The following ZNF658 variants were observed in gnomAD, a reference collection of about 807,000 sequenced individuals.
ZNF658 encodes zinc finger protein 658.
A neutral mutation model predicts 78.0 loss-of-function variants in ZNF658; 46 were observed. The ratio of observed to expected loss-of-function variants is 0.59; its 90% confidence interval spans 0.47 to 0.75. The LOEUF is 0.75. Among genes scored for constraint, ZNF658 ranks in the 30% least tolerant of loss-of-function variants. ZNF658 has a pLI of 0.00. For synonymous variants in ZNF658, 279 were observed against 408.4 expected (o/e 0.68, Z 3.82); for missense variants, 785 against 1,189.3 (o/e 0.66, Z 5.00).
downstream of ZNF658, chr9:66,924,347 G>C: frequency 2.3e-6 from 1 of 431,874 alleles, no homozygotes; most frequent in East Asian, 7.0e-5. Flanking sequence ...CGTGAGTATA[G>C]TGTGGCATGT....
chr9:66,919,661 T>C lies in ZNF658; in HGVS notation c.2095T>C (p.Ser699Pro), dbSNP rs1822453354. The change falls in exon 5 of 5, where the codon TCA (serine) becomes CCA (proline). Residue 699 changes from serine to proline, a missense_variant. By Grantham distance (74) the Ser-to-Pro change is moderately conservative (BLOSUM62 -1). Transcript: ENST00000621410. ...SDCEKTFAHN[S>P]ALKIHQRIHT... Reference sequence around the variant, plus strand: ...CTGTGAGAAAACTTTTGCCCATAATTCAGCCCTCAAAATACATCAGAGAAT... The same window carrying C: ...CTGTGAGAAAACTTTTGCCCATAATCCAGCCCTCAAAATACATCAGAGAAT... 3 of 1,610,718 alleles carry C rather than the reference T, an allele frequency of 1.9e-6. No homozygotes were observed. The highest frequency in any genetic ancestry group is 2.5e-6 in the Non-Finnish European group (3 of 1,179,462).
downstream of ZNF658, among the ~76,000 whole-genome samples, chr9:66,925,562 GCAAA>G (rs1450781748): frequency 6.6e-6 from 1 of 151,868 alleles, no homozygotes; most frequent in Non-Finnish European, 1.5e-5. Context: ...ATTTAAACAG[GCAAA>G]CAGTGAATAA....
At chr9:66,905,081 T>C (rs1363534395) in intron 2 of ZNF658, among the ~76,000 whole-genome samples, 1 of 111,102 alleles carries the variant, frequency 9.0e-6, no homozygotes, top group Non-Finnish European at 1.8e-5. Context: ...TTTTTTTTTT[T>C]TTTTTTTTTT....
intron 1 of ZNF658, chr9:66,902,994 T>G (rs1388038847): frequency 6.5e-6 from 1 of 152,966 alleles, no homozygotes; most frequent in African/African-American, 2.4e-5. Context: ...CCCAAACTGC[T>G]GGGATTACAG....
downstream of ZNF658, chr9:66,921,569 C>T (rs1046106676): frequency 4.6e-4 from 69 of 151,576 alleles, no homozygotes; most frequent in African/African-American, 1.6e-3. Context: ...AAATATTTAC[C>T]TATAGAAAAA....
At chr9:66,907,686 A>C (rs1311654557) in intron 2 of ZNF658, among the ~76,000 whole-genome samples, 1 of 152,252 alleles carries the variant, frequency 6.6e-6, no homozygotes, top group Non-Finnish European at 1.5e-5. Context: ...CTGTACAAGA[A>C]AGTATTGTAT....
chr9:66,931,920 A>G (rs1310050281), intron 6 of ZNF658: 2 of 151,748 alleles, frequency 1.3e-5, no homozygotes, highest in African/African-American at 4.8e-5. Flanking sequence ...TGTTTACAAA[A>G]TCACTTAATG....
At chr9:66,910,860 A>G (rs1332421) in intron 4 of ZNF658, among the ~76,000 whole-genome samples, 723 of 127,938 alleles carry the variant, frequency 5.7e-3, no homozygotes, top group Admixed American at 7.0e-3. Context: ...AATAATGTAG[A>G]TTTCATGTTC....
downstream of ZNF658, among the ~76,000 whole-genome samples, chr9:66,921,881 C>T (rs558176624): frequency 6.1e-3 from 917 of 150,112 alleles, 13 homozygotes; most frequent in African/African-American, 0.021. Flanking sequence ...TCAAAGCTGT[C>T]GGACAGGGAC....
downstream of ZNF658, among the ~76,000 whole-genome samples, chr9:66,925,694 C>T (rs2482762): frequency 2.0e-5 from 3 of 152,004 alleles, no homozygotes; most frequent in Non-Finnish European, 4.4e-5. Flanking sequence ...ATTTTAAAAC[C>T]CTTCCCAAAA....
intron 1 of ZNF658, among the ~76,000 whole-genome samples, chr9:66,902,147 C>T (rs531564007): frequency 0.015 from 2,229 of 150,254 alleles, 24 homozygotes; most frequent in Non-Finnish European, 0.024. Flanking sequence ...TCTCAAGAGT[C>T]AGGTTTAGGG....
At chr9:66,909,644 C>A (rs1168421470) in intron 4 of ZNF658, among the ~76,000 whole-genome samples, 3 of 152,154 alleles carry the variant, frequency 2.0e-5, no homozygotes, top group African/African-American at 7.2e-5. Context: ...AACCACCAGA[C>A]TGTTTTTCTA....
At chr9:66,925,557 A>T (rs1822577865), downstream of ZNF658, among the ~76,000 whole-genome samples, 2 of 152,106 alleles carry the variant, frequency 1.3e-5, no homozygotes, top group African/African-American at 4.8e-5. Context: ...AGGAAATTTA[A>T]ACAGGCAAAC....
intron 2 of ZNF658, among the ~76,000 whole-genome samples, chr9:66,904,421 T>C: frequency 6.6e-6 from 1 of 151,610 alleles, no homozygotes; most frequent in Admixed American, 6.6e-5. Context: ...GCCACCTTCC[T>C]TGTCCTGTCA....
At chr9:66,929,395 G>A (rs922810620) in intron 6 of ZNF658, among the ~76,000 whole-genome samples, 1 of 133,464 alleles carries the variant, frequency 7.5e-6, no homozygotes, top group Non-Finnish European at 1.6e-5. Context: ...GCAGGCACGG[G>A]GAAATTGAGA....
At position 66,903,505 on chromosome 9, in the gene ZNF658, TC is replaced by T; in HGVS notation, c.-44-11del. 6.4e-7 allele frequency: 1 copy of T among 1,565,438 alleles called. No homozygotes were observed. Among genetic ancestry groups the T allele is most frequent in the East Asian group, 2.2e-5 (1 of 44,614 alleles). ...GGTCTCTCATGACCCCACTGCTCTT[TC>T]CTCCTCCCCAGCTGAACCTCCACAG... On this transcript the variant is annotated splice_polypyrimidine_tract_variant and intron_variant, in intron 1 of 4. Coordinates refer to ENST00000621410, the MANE Select transcript of ZNF658 (RefSeq NM_033160.7).
At chr9:66,902,835 G>A (rs2117933088) in intron 1 of ZNF658, 1 of 152,218 alleles carries the variant, frequency 6.6e-6, no homozygotes, top group African/African-American at 2.4e-5. Context: ...ACTTGATTAA[G>A]TCAGCCTGAG....
At chr9:66,915,092 CAT>C (rs1284826885) in intron 4 of ZNF658, among the ~76,000 whole-genome samples, 14 of 137,470 alleles carry the variant, frequency 1.0e-4, no homozygotes, top group South Asian at 4.8e-4. Flanking sequence ...CACACACACA[CAT>C]ACACATATAT....
chr9:66,901,072 A>G (rs1039245917), intron 1 of ZNF658: 6 of 152,316 alleles, frequency 3.9e-5, no homozygotes, highest in African/African-American at 1.4e-4. Flanking sequence ...GACGGCGAAC[A>G]GGAGGAGGTT....
Sources: allele counts gnomAD v4.1 joint callset (sites outside exome capture counted in the v4.1 genomes callset), GRCh38; gene constraint gnomAD v4.1.1; transcripts MANE v1.5; gene names NCBI Gene and HGNC (gene_info 2026-07-23, HGNC 2026-07-21).